The following SCHIP1 variants were observed in gnomAD, a reference collection of about 807,000 sequenced individuals.
The protein encoded by SCHIP1 is schwannomin interacting protein 1.
SCHIP1 carries 8 observed loss-of-function variants against 29.7 expected under a neutral mutation model. The observed-to-expected ratio is 0.27, with a 90% CI of 0.16 to 0.49. The LOEUF (loss-of-function observed/expected upper bound fraction) is 0.49, where lower values mean the gene tolerates loss of function less well. SCHIP1 is among the 20% of genes least tolerant of loss of function. The pLI is 0.99. For synonymous variants in SCHIP1, 76 were observed against 94.9 expected (o/e 0.80, Z 1.16); for missense variants, 193 against 294.6 (o/e 0.66, Z 2.52).
chr3:159,311,458 G>T, the SCHIP1 span, among the ~76,000 whole-genome samples: 4 of 152,090 alleles, frequency 2.6e-5, no homozygotes, highest in African/African-American at 9.6e-5. Flanking sequence ...TTTTCCAGTT[G>T]TATTTCTCTT....
At chr3:159,342,028 A>C in the SCHIP1 span, among the ~76,000 whole-genome samples, 1 of 152,354 alleles carries the variant, frequency 6.6e-6, no homozygotes, top group South Asian at 2.1e-4. Flanking sequence ...TTGGGAGTAC[A>C]TGAGTGAACT....
chr3:159,705,876 T>C, the SCHIP1 span, among the ~76,000 whole-genome samples: 1 of 151,962 alleles, frequency 6.6e-6, no homozygotes, highest in Non-Finnish European at 1.5e-5. Flanking sequence ...CCAGCTAATT[T>C]TTGTATTTTT....
chr3:159,326,451 T>G, the SCHIP1 span, among the ~76,000 whole-genome samples: 1 of 152,186 alleles, frequency 6.6e-6, no homozygotes, highest in Non-Finnish European at 1.5e-5. Flanking sequence ...ATTACAATTA[T>G]GTCCAAATAT....
intron 1 of SCHIP1, among the ~76,000 whole-genome samples, chr3:159,858,520 T>C (rs1713666319): frequency 6.6e-6 from 1 of 152,226 alleles, no homozygotes; most frequent in African/African-American, 2.4e-5. Flanking sequence ...ATCTGCCTGC[T>C]TCTGTTTATG....
At chr3:159,680,679 T>A in the SCHIP1 span, among the ~76,000 whole-genome samples, 651 of 77,534 alleles carry the variant, frequency 8.4e-3, 24 homozygotes, top group Non-Finnish European at 0.012. Context: ...ATTATATATA[T>A]AATATATGTA....
the SCHIP1 span, among the ~76,000 whole-genome samples, chr3:159,518,317 G>A: frequency 6.6e-6 from 1 of 152,188 alleles, no homozygotes; most frequent in East Asian, 1.9e-4. Flanking sequence ...AATGGGGTTT[G>A]GGGAGGCCAT....
chr3:159,505,515 C>G, the SCHIP1 span, among the ~76,000 whole-genome samples: 5 of 152,262 alleles, frequency 3.3e-5, no homozygotes, highest in East Asian at 7.7e-4. Context: ...GGTACACGTG[C>G]ACAACGTGCA....
the SCHIP1 span, among the ~76,000 whole-genome samples, chr3:159,760,036 T>C: frequency 2.5e-5 from 3 of 121,874 alleles, no homozygotes; most frequent in Non-Finnish European, 4.9e-5. Context: ...ACAAAATAAA[T>C]ACCCCAGTCT....
chr3:159,522,390 A>G, the SCHIP1 span, among the ~76,000 whole-genome samples: 1 of 152,260 alleles, frequency 6.6e-6, no homozygotes, highest in African/African-American at 2.4e-5. Context: ...GATGTCCTAT[A>G]TAAAGTGATT....
the SCHIP1 span, among the ~76,000 whole-genome samples, chr3:159,537,746 C>G: frequency 6.6e-6 from 1 of 151,982 alleles, no homozygotes; most frequent in Non-Finnish European, 1.5e-5. Context: ...ACTTTTATGG[C>G]TACATTTACA....
the SCHIP1 span, among the ~76,000 whole-genome samples, chr3:159,685,549 T>C: frequency 1.1e-4 from 17 of 152,242 alleles, no homozygotes; most frequent in Non-Finnish European, 1.8e-4. Flanking sequence ...TCTCATACTT[T>C]CTTCTTAAAT....
the SCHIP1 span, among the ~76,000 whole-genome samples, chr3:159,754,741 G>A: frequency 6.6e-6 from 1 of 152,194 alleles, no homozygotes; most frequent in Admixed American, 6.5e-5. Flanking sequence ...CCCAAGCCAA[G>A]ATGTACAGTC....
the SCHIP1 span, among the ~76,000 whole-genome samples, chr3:159,797,498 CA>C: frequency 6.6e-6 from 1 of 151,866 alleles, no homozygotes; most frequent in Non-Finnish European, 1.5e-5. Context: ...TCTTCTGGAA[CA>C]AATGTAAATC....
At chr3:159,605,015 T>C in the SCHIP1 span, among the ~76,000 whole-genome samples, 1 of 152,208 alleles carries the variant, frequency 6.6e-6, no homozygotes, top group Non-Finnish European at 1.5e-5. Flanking sequence ...GAAATATTAC[T>C]TTTCTTCTAC....
At chr3:159,733,770 G>A in the SCHIP1 span, among the ~76,000 whole-genome samples, 2 of 152,162 alleles carry the variant, frequency 1.3e-5, no homozygotes, top group Non-Finnish European at 2.9e-5. Context: ...GTTTTATCAC[G>A]AGGGATTTGT....
the SCHIP1 span, among the ~76,000 whole-genome samples, chr3:159,589,188 G>A: frequency 6.6e-6 from 1 of 152,166 alleles, no homozygotes; most frequent in African/African-American, 2.4e-5. Context: ...CACATCCCTT[G>A]TAAGTTGGAT....
the SCHIP1 span, among the ~76,000 whole-genome samples, chr3:159,503,279 C>G: frequency 3.4e-4 from 52 of 152,240 alleles, no homozygotes; most frequent in African/African-American, 1.2e-3. Flanking sequence ...TTTTCCTTTT[C>G]TTTGACCAAG....
the SCHIP1 span, among the ~76,000 whole-genome samples, chr3:159,675,096 G>A: frequency 1.7e-3 from 264 of 152,342 alleles, 3 homozygotes; most frequent in Non-Finnish European, 3.2e-3. Context: ...AGAAGTAGAG[G>A]TGGAGAAAAC....
At chr3:159,713,955 G>T in the SCHIP1 span, among the ~76,000 whole-genome samples, 1 of 152,204 alleles carries the variant, frequency 6.6e-6, no homozygotes, top group African/African-American at 2.4e-5. Flanking sequence ...TTAAATAACT[G>T]GGCAGGCACA....
Sources: allele counts gnomAD v4.1 joint callset (sites outside exome capture counted in the v4.1 genomes callset), GRCh38; gene constraint gnomAD v4.1.1; transcripts MANE v1.5; gene names NCBI Gene and HGNC (gene_info 2026-07-23, HGNC 2026-07-21).